The following ABCC11 variants were observed in gnomAD, a reference collection of about 807,000 sequenced individuals.
ABCC11 encodes ATP-binding cassette sub-family C member 11.
ABCC11 carries 135 observed loss-of-function variants against 149.3 expected under a neutral mutation model. That is an observed-to-expected ratio of 0.90 (90% confidence interval 0.79 to 1.04). ABCC11 has a LOEUF of 1.04. Among genes scored for constraint, ABCC11 ranks in the 50% least tolerant of loss-of-function variants. The pLI is 0.00. For synonymous variants in ABCC11, 665 were observed against 671.4 expected (o/e 0.99, Z 0.15); for missense variants, 1,680 against 1,722.1 (o/e 0.98, Z 0.43).
chr16:48,200,593 A>G (rs1471241459), intron 14 of ABCC11, 114 bp from the exon 15 acceptor site: 7 of 1,055,514 alleles, frequency 6.6e-6, no homozygotes, highest in African/African-American at 1.6e-5. Context: ...CAAGATATGC[A>G]CACACTCCAG....
intron 27 of ABCC11, among the ~76,000 whole-genome samples, chr16:48,170,441 C>T (rs1012041828): frequency 3.4e-4 from 51 of 152,228 alleles, no homozygotes; most frequent in African/African-American, 1.1e-3. Flanking sequence ...GATCTTTCAT[C>T]GGCTGCCCCT....
rs769432292 is a variant in ABCC11, at chr16:48,200,417, G to A, written c.1941C>T (p.Ala647=). ...GQKQRISLAR[A]VYSDRQIYLL... The stretch of plus-strand genomic sequence containing the variant: ...GGTAGATCTGACGGTCGGAATAGAC[G>A]GCGCGGGCCAGGCTGATCCTCTGTT... The change falls in exon 15 of 30, where the codon GCC becomes GCT. Residue 647 remains alanine, a synonymous_variant. Transcript: ENST00000356608. 12 of 1,614,096 alleles carry A rather than the reference G, an allele frequency of 7.4e-6. No homozygotes were observed. The highest frequency in any genetic ancestry group is 2.2e-5 in the South Asian group (2 of 91,088).
rs1232477141 is a variant in ABCC11 at position 48,215,252 on chromosome 16, G to C, written c.1044C>G (p.Cys348Trp). The change falls in exon 8 of 30, where the codon TGC becomes TGG. Residue 348 changes from cysteine (C) to tryptophan (W), a missense_variant. Transcript: ENST00000356608. ...ATGTGTACATTTTAATCAGCTTAAT[G>C]CAAGTGAGAACTTCACTGGTCACAC... ...RIRVTSEVLT[C>W]IKLIKMYTWE... is the part of the protein sequence containing the mutation. 2 of 1,614,106 alleles carry C rather than the reference G, an allele frequency of 1.2e-6. No individual in the cohort carries two copies. The highest frequency in any genetic ancestry group is 1.3e-5 in the African/African-American group (1 of 75,066).
intron 15 of ABCC11, 126 bp downstream of exon 15, chr16:48,200,150 G>A: frequency 1.0e-6 from 1 of 965,334 alleles, no homozygotes; most frequent in Non-Finnish European, 1.5e-6. Context: ...CCCAAATGTG[G>A]AGGAGTCTAA....
chr16:48,231,699 A>T, intron 2 of ABCC11, 124 bp downstream of exon 2: 1 of 1,374,258 alleles, frequency 7.3e-7, no homozygotes, highest in Non-Finnish European at 9.6e-7. Flanking sequence ...GAGCAAAAAG[A>T]GAAAAGAAAA....
chr16:48,187,600 T>C (rs1467900960), intron 20 of ABCC11, among the ~76,000 whole-genome samples, 173 bp from the exon 21 acceptor site: 1 of 152,116 alleles, frequency 6.6e-6, no homozygotes, highest in Admixed American at 6.5e-5. Context: ...GCTACCTGAC[T>C]CCTCCACCTA....
At chr16:48,180,578 A>T (rs1203542774) in intron 23 of ABCC11, among the ~76,000 whole-genome samples, 1 of 152,124 alleles carries the variant, frequency 6.6e-6, no homozygotes, top group Non-Finnish European at 1.5e-5. Context: ...TTTACTGAGA[A>T]GCCTCTTGGG....
intron 20 of ABCC11, among the ~76,000 whole-genome samples, chr16:48,187,767 G>A (rs1381287467): frequency 6.6e-6 from 1 of 152,134 alleles, no homozygotes; most frequent in Non-Finnish European, 1.5e-5. Flanking sequence ...AAGGCTGAAT[G>A]TATGGTATAT....
At chr16:48,213,335 C>T in intron 10 of ABCC11, 108 bp downstream of exon 10, 1 of 930,204 alleles carries the variant, frequency 1.1e-6, no homozygotes, top group Non-Finnish European at 1.6e-6. Context: ...TAATCCCTCT[C>T]TCGACCTAGG....
Position 48,211,110 on chromosome 16 carries a change from T to C in ABCC11, c.1446A>G (p.Ser482=), listed in dbSNP as rs931774404. 1.4e-5 allele frequency: 22 copies of C among 1,614,084 alleles called. No homozygotes were observed. The highest frequency in any genetic ancestry group is 1.8e-5 in the Non-Finnish European group (21 of 1,180,050). Residue 482 remains serine, a synonymous_variant, in exon 11 of 30, where the codon TCA becomes TCG. Coordinates refer to ENST00000356608, the MANE Select transcript of ABCC11 (RefSeq NM_001370497.1). The part of the protein sequence containing the change: ...KALVFEEATL[S]WQQTCPGIVN... ...CGATCCCGGGACAGGTCTGTTGCCA[T>C]GACAAGGTGGCCTCCTCAAAGACCA... is the stretch of plus-strand genomic sequence containing the variant.
chr16:48,192,796 A>T lies in ABCC11; in HGVS notation c.2509-79T>A. On this transcript the variant is annotated intron_variant, in intron 19 of 29. Coordinates refer to ENST00000356608, the MANE Select transcript of ABCC11 (RefSeq NM_001370497.1). ...CAGGGAAAGCCTTCTCCCTGGGGCC[A>T]CGTGAGAATCTGTGGCTGGTAGAAG... 3 of 1,411,898 alleles carry T rather than the reference A, an allele frequency of 2.1e-6. No homozygotes were observed. In the Admixed American group the frequency reaches 5.1e-5, roughly 24 times the overall value. The allele number at this position is 1,411,898 out of a possible 1,614,324, so 87.5% of individuals were successfully genotyped here.
chr16:48,243,267 T>G (rs1217280753), intron 1 of ABCC11, among the ~76,000 whole-genome samples: 1 of 151,628 alleles, frequency 6.6e-6, no homozygotes, highest in Non-Finnish European at 1.5e-5. Context: ...CGGGCGTGGT[T>G]GCGGGTGCCT....
At chr16:48,173,455 C>T (rs1372480641) in intron 26 of ABCC11, among the ~76,000 whole-genome samples, 2 of 152,180 alleles carry the variant, frequency 1.3e-5, no homozygotes, top group East Asian at 1.9e-4. Context: ...AGGCAGTATA[C>T]TAAAGCATTC....
At chr16:48,170,531 C>G (rs974722541) in intron 27 of ABCC11, among the ~76,000 whole-genome samples, 6 of 152,184 alleles carry the variant, frequency 3.9e-5, no homozygotes, top group Non-Finnish European at 7.3e-5. Flanking sequence ...CTGCTCCTGC[C>G]CTGACGTTTC....
chr16:48,224,472 T>C, intron 4 of ABCC11, 43 bp from the exon 5 acceptor site: 1 of 1,600,600 alleles, frequency 6.2e-7, no homozygotes, highest in Non-Finnish European at 8.5e-7. Context: ...TCTTTGCATG[T>C]GACATCCAAA....
chr16:48,230,723 G>A (rs980409960), intron 2 of ABCC11, 150 bp from the exon 3 acceptor site: 9 of 940,434 alleles, frequency 9.6e-6, no homozygotes, highest in East Asian at 8.6e-5. Context: ...GCAGGGGACC[G>A]AGAGTCAGGG....
chr16:48,195,340 A>T (rs1015343013), intron 18 of ABCC11, among the ~76,000 whole-genome samples: 1 of 152,130 alleles, frequency 6.6e-6, no homozygotes, highest in Non-Finnish European at 1.5e-5. Context: ...GCATTTCACA[A>T]GCATTTGCTG....
intron 1 of ABCC11, chr16:48,244,462 C>T (rs764266328): frequency 1.5e-5 from 24 of 1,596,920 alleles, no homozygotes; most frequent in African/African-American, 6.7e-5. Flanking sequence ...GTCCTGCTGC[C>T]CGGCTCCACC....
At chr16:48,202,701 C>T (rs1306554423) in intron 14 of ABCC11, among the ~76,000 whole-genome samples, 5 of 151,978 alleles carry the variant, frequency 3.3e-5, no homozygotes, top group Non-Finnish European at 7.3e-5. Flanking sequence ...TAAGACACTA[C>T]ATTCAAGTCA....
Sources: gnomAD v4.1 joint callset for allele counts (sites outside exome capture counted in the v4.1 genomes callset) on GRCh38, gnomAD v4.1.1 for gene constraint, MANE v1.5 for transcripts, NCBI Gene and HGNC (gene_info 2026-07-23, HGNC 2026-07-21) for gene names.